SLC24A2: variants seen among roughly 807,000 people sequenced by gnomAD.
The protein encoded by SLC24A2 is solute carrier family 24 member 2.
Under a neutral mutation model 62.0 loss-of-function variants are expected in SLC24A2, and 36 were observed. The observed-to-expected ratio is 0.58, with a 90% CI of 0.44 to 0.77. SLC24A2 has a LOEUF of 0.77. SLC24A2 is among the 30% of genes least tolerant of loss of function. SLC24A2 has a pLI of 0.00. For synonymous variants in SLC24A2, 358 were observed against 294.0 expected (o/e 1.22, Z -2.23); for missense variants, 846 against 817.9 (o/e 1.03, Z -0.42).
chr9:20,057,306 C>G, the SLC24A2 span, among the ~76,000 whole-genome samples: 2,829 of 152,256 alleles, frequency 0.019, 85 homozygotes, highest in African/African-American at 0.065. Context: ...ATTCCCTAAT[C>G]TTTTGATGTA....
the SLC24A2 span, among the ~76,000 whole-genome samples, chr9:20,288,035 G>GA: frequency 2.4e-5 from 1 of 41,938 alleles, no homozygotes; most frequent in Non-Finnish European, 6.8e-5. Context: ...GAGGAGTTAG[G>GA]AAAAAAACAC....
At chr9:20,211,766 T>TA in the SLC24A2 span, among the ~76,000 whole-genome samples, 2,248 of 152,212 alleles carry the variant, frequency 0.015, 27 homozygotes, top group Non-Finnish European at 0.022. Flanking sequence ...AAAGGGAACA[T>TA]AAAAAATTAT....
chr9:20,274,956 G>C, the SLC24A2 span, among the ~76,000 whole-genome samples: 2 of 152,080 alleles, frequency 1.3e-5, no homozygotes, highest in Non-Finnish European at 2.9e-5. Context: ...TGTGATGCAT[G>C]ACTTTCTCCC....
the SLC24A2 span, among the ~76,000 whole-genome samples, chr9:19,919,685 G>T: frequency 6.6e-6 from 1 of 152,124 alleles, no homozygotes; most frequent in East Asian, 1.9e-4. Context: ...CTGCAGGGCT[G>T]GGGAGGCCTC....
At chr9:19,661,769 TC>T (rs2118244470) in intron 2 of SLC24A2, among the ~76,000 whole-genome samples, 1 of 152,324 alleles carries the variant, frequency 6.6e-6, no homozygotes, top group Admixed American at 6.5e-5. Flanking sequence ...AGATTAGGGA[TC>T]CCTCTGTTGT....
chr9:19,682,055 T>G (rs548000245), intron 2 of SLC24A2, among the ~76,000 whole-genome samples: 2 of 152,256 alleles, frequency 1.3e-5, no homozygotes, highest in African/African-American at 4.8e-5. Flanking sequence ...ACGTTGACAT[T>G]TCTTATGCAG....
chr9:20,111,515 G>A, the SLC24A2 span, among the ~76,000 whole-genome samples: 32 of 152,072 alleles, frequency 2.1e-4, no homozygotes, highest in Admixed American at 2.0e-3. Context: ...ATTTGAATAT[G>A]CCATCTGTTT....
chr9:19,635,415 C>T (rs1231657473), intron 2 of SLC24A2, among the ~76,000 whole-genome samples: 1 of 152,078 alleles, frequency 6.6e-6, no homozygotes, highest in Non-Finnish European at 1.5e-5. Context: ...AAGCTTATTG[C>T]CCAGAGAGGA....
the SLC24A2 span, among the ~76,000 whole-genome samples, chr9:20,024,269 C>T: frequency 1.3e-5 from 2 of 152,172 alleles, no homozygotes; most frequent in Non-Finnish European, 2.9e-5. Flanking sequence ...CAGAAAATTC[C>T]AAGCACAGAC....
chr9:19,837,618 A>T, the SLC24A2 span, among the ~76,000 whole-genome samples: 2 of 152,110 alleles, frequency 1.3e-5, no homozygotes, highest in African/African-American at 4.8e-5. Context: ...GGAAAAAAGG[A>T]AGTCAAATTG....
the SLC24A2 span, among the ~76,000 whole-genome samples, chr9:19,893,938 G>A: frequency 5.3e-4 from 81 of 152,294 alleles, no homozygotes; most frequent in South Asian, 1.9e-3. Context: ...AACAAAGGGA[G>A]AAGAGAATTT....
In SLC24A2 at chr9:19,550,117, T is replaced by C; in HGVS notation, c.1479+20A>G. On this transcript the variant is annotated intron_variant, in intron 8 of 10. Transcript: ENST00000341998. The stretch of plus-strand genomic sequence containing the variant: ...ACCATATGTTTTACAAGGGAACTAT[T>C]TTTAAAATGCTTTACTTACAGGTTT... 6.2e-7 allele frequency: 1 copy of C among 1,612,282 alleles called. No homozygotes were observed. Among genetic ancestry groups the C allele is most frequent in the South Asian group, 1.1e-5 (1 of 90,930 alleles).
the SLC24A2 span, among the ~76,000 whole-genome samples, chr9:20,099,321 T>TACAAATC: frequency 6.6e-6 from 1 of 152,250 alleles, no homozygotes; most frequent in Non-Finnish European, 1.5e-5. Context: ...CATATAACTG[T>TACAAATC]AATAACTCAT....
chr9:20,210,865 G>C, the SLC24A2 span, among the ~76,000 whole-genome samples: 2 of 151,484 alleles, frequency 1.3e-5, no homozygotes, highest in Non-Finnish European at 2.9e-5. Flanking sequence ...AAGGAGAGGG[G>C]AGAGGAAGAG....
At chr9:19,949,909 C>T in the SLC24A2 span, among the ~76,000 whole-genome samples, 1 of 152,194 alleles carries the variant, frequency 6.6e-6, no homozygotes, top group African/African-American at 2.4e-5. Context: ...CACGGAGTGC[C>T]TTGCTAATCG....
At chr9:20,002,875 C>T in the SLC24A2 span, among the ~76,000 whole-genome samples, 2 of 152,228 alleles carry the variant, frequency 1.3e-5, no homozygotes, top group Admixed American at 1.3e-4. Context: ...GTAGCCTCCA[C>T]ACACATCCTC....
chr9:19,557,217 C>T (rs1433531213), intron 7 of SLC24A2, among the ~76,000 whole-genome samples: 3 of 152,130 alleles, frequency 2.0e-5, no homozygotes, highest in East Asian at 3.9e-4. Flanking sequence ...TCCAGTTATA[C>T]CAGGATTCTC....
chr9:19,650,563 G>C (rs952110404), intron 2 of SLC24A2, among the ~76,000 whole-genome samples: 2 of 152,170 alleles, frequency 1.3e-5, no homozygotes, highest in African/African-American at 4.8e-5. Flanking sequence ...GATGATTAGG[G>C]AGCAGCTTGT....
chr9:20,277,855 G>A, the SLC24A2 span, among the ~76,000 whole-genome samples: 14 of 152,296 alleles, frequency 9.2e-5, no homozygotes, highest in South Asian at 2.1e-4. Context: ...ATCAATGATA[G>A]ACTGGATTAA....
Sources: gnomAD v4.1 joint callset for allele counts (sites outside exome capture counted in the v4.1 genomes callset) on GRCh38, gnomAD v4.1.1 for gene constraint, MANE v1.5 for transcripts, NCBI Gene and HGNC (gene_info 2026-07-23, HGNC 2026-07-21) for gene names.